DOK6: variants seen among roughly 807,000 people sequenced by gnomAD.
The protein encoded by DOK6 is downstream of tyrosine kinase 6.
A neutral mutation model predicts 44.0 loss-of-function variants in DOK6; 22 were observed. That is an observed-to-expected ratio of 0.50 (90% CI 0.36 to 0.71). DOK6 has a LOEUF of 0.71. DOK6 is among the 30% of genes least tolerant of loss of function. DOK6 has a pLI of 0.00. For missense variants in DOK6, 340 were observed against 416.4 expected (o/e 0.82, Z 1.60); for synonymous variants, 166 against 145.5 (o/e 1.14, Z -1.01).
chr18:69,563,663 AG>A (rs1438373607), intron 1 of DOK6, among the ~76,000 whole-genome samples: 2 of 108,110 alleles, frequency 1.8e-5, no homozygotes, highest in African/African-American at 7.0e-5. Flanking sequence ...GGGTGGGGGG[AG>A]GGGGGAAGGA....
chr18:69,484,221 A>G (rs1274212645), intron 1 of DOK6, among the ~76,000 whole-genome samples: 1 of 151,862 alleles, frequency 6.6e-6, no homozygotes, highest in Non-Finnish European at 1.5e-5. Context: ...CTTATAAAGC[A>G]TTTTGATTAA....
chr18:69,440,704 A>G (rs766892814), intron 1 of DOK6, among the ~76,000 whole-genome samples: 41 of 151,948 alleles, frequency 2.7e-4, no homozygotes, highest in Non-Finnish European at 5.3e-4. Context: ...TCACTTTTCT[A>G]CACAAATTGC....
chr18:69,401,855 C>T (rs1599113706), intron 1 of DOK6, among the ~76,000 whole-genome samples: 1 of 152,154 alleles, frequency 6.6e-6, no homozygotes, highest in Admixed American at 6.5e-5. Context: ...CCCGCAAGTG[C>T]TCCCCTACCC....
At chr18:69,829,130 A>C (rs1446829148) in intron 7 of DOK6, among the ~76,000 whole-genome samples, 1 of 151,174 alleles carries the variant, frequency 6.6e-6, no homozygotes, top group Non-Finnish European at 1.5e-5. Flanking sequence ...GAAATGATCC[A>C]GAAAAAGAGA....
At chr18:69,605,373 G>A (rs540989497) in intron 3 of DOK6, among the ~76,000 whole-genome samples, 7 of 152,182 alleles carry the variant, frequency 4.6e-5, no homozygotes, top group African/African-American at 1.7e-4. Flanking sequence ...CTCAGCACAT[G>A]CTCTTAACAA....
At chr18:69,562,658 A>T (rs183182480) in intron 1 of DOK6, among the ~76,000 whole-genome samples, 1 of 152,364 alleles carries the variant, frequency 6.6e-6, no homozygotes, top group African/African-American at 2.4e-5. Flanking sequence ...TTCAAGATGG[A>T]TGAAAGACTT....
intron 3 of DOK6, among the ~76,000 whole-genome samples, chr18:69,612,468 T>TGTGCGAGGGCGCATGTGGGCGAGGGCGC: frequency 6.7e-6 from 1 of 149,848 alleles, no homozygotes; most frequent in Non-Finnish European, 1.5e-5. Flanking sequence ...CGTGCATATG[T>TGTGCGAGGGCGCATGTGGGCGAGGGCGC]ATTTCTTGCT....
chr18:69,512,332 C>CTTTTTTTTTTTTTTT (rs548031851), intron 1 of DOK6, among the ~76,000 whole-genome samples: 1 of 91,688 alleles, frequency 1.1e-5, no homozygotes, highest in Non-Finnish European at 2.0e-5. Context: ...CTTTCTTCTT[C>CTTTTTTTTTTTTTTT]TTTTTTTTTT....
At chr18:69,444,563 G>T (rs1035498370) in intron 1 of DOK6, among the ~76,000 whole-genome samples, 17 of 151,850 alleles carry the variant, frequency 1.1e-4, no homozygotes, top group Admixed American at 1.0e-3. Flanking sequence ...CCTTAGTGCC[G>T]AATACCATAT....
chr18:69,577,178 T>TA (rs1446559689), intron 2 of DOK6, among the ~76,000 whole-genome samples: 1 of 152,122 alleles, frequency 6.6e-6, no homozygotes, highest in Non-Finnish European at 1.5e-5. Flanking sequence ...CACCTATAAA[T>TA]ACACTATTTC....
intron 7 of DOK6, among the ~76,000 whole-genome samples, chr18:69,774,049 A>G (rs913038712): frequency 7.0e-6 from 1 of 142,924 alleles, no homozygotes; most frequent in East Asian, 2.0e-4. Flanking sequence ...AGAATTTGTG[A>G]GATATATATA....
chr18:69,747,081 T>C (rs1464534761), intron 6 of DOK6, among the ~76,000 whole-genome samples: 2 of 152,220 alleles, frequency 1.3e-5, no homozygotes, highest in African/African-American at 4.8e-5. Context: ...GTCTGTAAAG[T>C]TCAGATGGCA....
At chr18:69,584,581 C>T (rs1161111933) in intron 2 of DOK6, among the ~76,000 whole-genome samples, 4 of 152,108 alleles carry the variant, frequency 2.6e-5, no homozygotes, top group African/African-American at 4.8e-5. Context: ...AGTGAGCCAC[C>T]GCGCCCAGAC....
chr18:69,788,925 C>T (rs962161793), intron 7 of DOK6, among the ~76,000 whole-genome samples: 2 of 152,106 alleles, frequency 1.3e-5, no homozygotes, highest in Non-Finnish European at 2.9e-5. Flanking sequence ...AATAATGCAA[C>T]TCATTAAAAT....
rs185767205 is a variant in DOK6, at chr18:69,599,486, G to A, written c.277G>A (p.Ala93Thr). The change falls in exon 3 of 8, where the codon GCC becomes ACC. Residue 93 changes from alanine to threonine, a missense_variant. Transcript: ENST00000382713. ...TCACGATGAAACATCGAAGACATTT[G>A]CCTGTGAGTCAGGTAAGCTATTATT... ...IFHDETSKTF[A>T]CESELEAEEW... 6.2e-7 allele frequency: 1 copy of A among 1,613,640 alleles called. No homozygotes were observed. The highest frequency in any genetic ancestry group is 8.5e-7 in the Non-Finnish European group (1 of 1,179,834).
chr18:69,709,687 A>G (rs1302748397), intron 5 of DOK6, among the ~76,000 whole-genome samples: 1 of 152,228 alleles, frequency 6.6e-6, no homozygotes, highest in East Asian at 1.9e-4. Context: ...AGAATTTAAA[A>G]TTATCTGGGT....
At chr18:69,518,701 A>G (rs529903952) in intron 1 of DOK6, among the ~76,000 whole-genome samples, 2 of 152,270 alleles carry the variant, frequency 1.3e-5, no homozygotes, top group African/African-American at 2.4e-5. Flanking sequence ...CTAAAGAGAA[A>G]ACAAAAACAG....
intron 7 of DOK6, among the ~76,000 whole-genome samples, chr18:69,783,369 T>TAC (rs1267997402): frequency 3.9e-5 from 6 of 152,252 alleles, no homozygotes; most frequent in Non-Finnish European, 7.3e-5. Context: ...ATAATTTTTA[T>TAC]ATTGATTACA....
chr18:69,675,185 G>A (rs146212092), intron 3 of DOK6, among the ~76,000 whole-genome samples: 6 of 152,142 alleles, frequency 3.9e-5, no homozygotes, highest in Admixed American at 6.5e-5. Flanking sequence ...ATTTAGTTCT[G>A]CTTGAAAGAG....
Sources: gnomAD v4.1 joint callset for allele counts (sites outside exome capture counted in the v4.1 genomes callset) on GRCh38, gnomAD v4.1.1 for gene constraint, MANE v1.5 for transcripts, NCBI Gene and HGNC (gene_info 2026-07-23, HGNC 2026-07-21) for gene names.